The following PRKAR1A variants were observed in gnomAD, a reference collection of about 807,000 sequenced individuals.
PRKAR1A encodes the protein cAMP-dependent protein kinase type I-alpha regulatory subunit.
Under a neutral mutation model 52.0 loss-of-function variants are expected in PRKAR1A, and 3 were observed. The observed-to-expected ratio is 0.06, with a 90% CI of 0.03 to 0.15. The LOEUF (loss-of-function observed/expected upper bound fraction) is 0.15, where lower values mean the gene tolerates loss of function less well. Among genes scored for constraint, PRKAR1A ranks in the 10% least tolerant of loss-of-function variants. PRKAR1A has a pLI of 1.00. For missense variants in PRKAR1A, 240 were observed against 477.4 expected (o/e 0.50, Z 4.63); for synonymous variants, 188 against 168.4 (o/e 1.12, Z -0.90).
chr17:68,426,195 C>G, the PRKAR1A span: 3 of 1,575,110 alleles, frequency 1.9e-6, no homozygotes, highest in East Asian at 7.0e-5. Context: ...AAGAAAGAGA[C>G]ATGAAACAAG....
the PRKAR1A span, chr17:68,450,686 G>C: frequency 1.3e-6 from 2 of 1,564,280 alleles, no homozygotes; most frequent in Non-Finnish European, 1.7e-6. Context: ...TTTGGCTCCC[G>C]TTAGCAGAAG....
chr17:68,435,843 G>T, the PRKAR1A span: 2 of 793,914 alleles, frequency 2.5e-6, no homozygotes, highest in Non-Finnish European at 2.1e-6. Flanking sequence ...TGTCCCCCAG[G>T]CCATCTGCAT....
At chr17:68,499,375 AG>A in the PRKAR1A span, among the ~76,000 whole-genome samples, 4 of 134,344 alleles carry the variant, frequency 3.0e-5, no homozygotes, top group African/African-American at 1.5e-4. Context: ...GAAAAGAGAG[AG>A]AGAGAGAGAG....
downstream of PRKAR1A, chr17:68,536,884 A>G (rs1257223098): frequency 8.8e-6 from 4 of 454,088 alleles, no homozygotes; most frequent in African/African-American, 6.0e-5. Context: ...GCCACTTGTT[A>G]TAATATCTCT....
At chr17:68,522,732 T>G (rs775574135) in intron 2 of PRKAR1A, 24 bp from the exon 3 acceptor site, 27 of 1,613,710 alleles carry the variant, frequency 1.7e-5, no homozygotes, top group Non-Finnish European at 2.1e-5. Flanking sequence ...GGATCTCATT[T>G]TGCAAACTCG....
the PRKAR1A span, among the ~76,000 whole-genome samples, chr17:68,469,626 G>A: frequency 1.3e-5 from 2 of 150,404 alleles, no homozygotes; most frequent in Non-Finnish European, 2.9e-5. Flanking sequence ...CCTCTCTTGA[G>A]TAAGGATGTT....
At chr17:68,441,965 A>G in the PRKAR1A span, among the ~76,000 whole-genome samples, 1 of 152,196 alleles carries the variant, frequency 6.6e-6, no homozygotes, top group South Asian at 2.1e-4. Context: ...CTTTTATCTG[A>G]GACAGAGGAA....
the PRKAR1A span, among the ~76,000 whole-genome samples, chr17:68,496,684 T>C: frequency 1.3e-5 from 2 of 152,176 alleles, no homozygotes; most frequent in Non-Finnish European, 2.9e-5. Flanking sequence ...TCCTCGAATG[T>C]AGAACAGAAG....
chr17:68,539,475 A>G (rs2086196363), intron 11 of PRKAR1A: 1 of 1,314,418 alleles, frequency 7.6e-7, no homozygotes, highest in Admixed American at 1.7e-5. Context: ...TCCTCTCAGC[A>G]TTTTGTGAAT....
At chr17:68,469,633 T>G in the PRKAR1A span, among the ~76,000 whole-genome samples, 2 of 151,822 alleles carry the variant, frequency 1.3e-5, no homozygotes, top group African/African-American at 4.8e-5. Flanking sequence ...TGAGTAAGGA[T>G]GTTGTCCTGA....
intron 11 of PRKAR1A, chr17:68,542,208 T>G: frequency 1.2e-6 from 2 of 1,606,590 alleles, no homozygotes; most frequent in Non-Finnish European, 1.7e-6. Flanking sequence ...TGGAGGGCTC[T>G]GGAGGCATGA....
the PRKAR1A span, among the ~76,000 whole-genome samples, chr17:68,478,608 A>ATGTG: frequency 0.24 from 36,858 of 150,994 alleles, 4,514 homozygotes; most frequent in Middle Eastern, 0.3. Flanking sequence ...ATTTAGAAAT[A>ATGTG]TGTGTGTGTG....
chr17:68,526,965 A>G (rs555861463), intron 7 of PRKAR1A, among the ~76,000 whole-genome samples: 1 of 152,330 alleles, frequency 6.6e-6, no homozygotes, highest in East Asian at 1.9e-4. Flanking sequence ...TAAATTTTAG[A>G]AAGATTGGTT....
chr17:68,431,815 T>C, the PRKAR1A span, among the ~76,000 whole-genome samples: 3 of 11,602 alleles, frequency 2.6e-4, no homozygotes, highest in African/African-American at 1.4e-3. Context: ...CTGCTCCTGG[T>C]CACCTGTGCT....
At chr17:68,450,988 G>A in the PRKAR1A span, 1 of 1,483,584 alleles carries the variant, frequency 6.7e-7, no homozygotes, top group East Asian at 2.4e-5. Flanking sequence ...CGCAGGCCAG[G>A]TTCCAAAGGT....
the PRKAR1A span, among the ~76,000 whole-genome samples, chr17:68,452,572 G>C: frequency 6.6e-6 from 1 of 152,000 alleles, no homozygotes; most frequent in Non-Finnish European, 1.5e-5. Context: ...CTCAAAAAAA[G>C]AAAGAAAGAA....
the PRKAR1A span, chr17:68,441,169 A>G: frequency 1.6e-4 from 24 of 152,234 alleles, no homozygotes; most frequent in African/African-American, 5.5e-4. Context: ...TTGACTGCTC[A>G]GAGCAGACTG....
chr17:68,499,140 A>G, the PRKAR1A span, among the ~76,000 whole-genome samples: 1 of 152,330 alleles, frequency 6.6e-6, no homozygotes, highest in East Asian at 1.9e-4. Flanking sequence ...TGTCACTGTC[A>G]TGAGCTCTTC....
At chr17:68,528,237 T>C (rs1443080167) in intron 8 of PRKAR1A, among the ~76,000 whole-genome samples, 2 of 152,194 alleles carry the variant, frequency 1.3e-5, no homozygotes, top group Non-Finnish European at 2.9e-5. Context: ...ATTGAAGATA[T>C]TCTTTTGTGC....
Sources: allele counts gnomAD v4.1 joint callset (sites outside exome capture counted in the v4.1 genomes callset), GRCh38; gene constraint gnomAD v4.1.1; transcripts MANE v1.5; gene names NCBI Gene and HGNC (gene_info 2026-07-23, HGNC 2026-07-21).